The following PHLPP1 variants were observed in gnomAD, a reference collection of about 807,000 sequenced individuals.
PHLPP1 encodes the protein PH domain leucine-rich repeat-containing protein phosphatase 1.
A neutral mutation model predicts 117.2 loss-of-function variants in PHLPP1; 42 were observed. The ratio of observed to expected loss-of-function variants is 0.36; its 90% CI spans 0.28 to 0.46. The LOEUF (loss-of-function observed/expected upper bound fraction) is 0.46. Ranked by LOEUF, PHLPP1 falls within the 20% of genes least tolerant of loss-of-function variation. The pLI is 1.00. For missense variants in PHLPP1, 2,084 were observed against 2,241.9 expected, an observed-to-expected ratio of 0.93 and a Z score of 1.42; for synonymous variants, 1,042 against 970.7, an observed-to-expected ratio of 1.07 and a Z score of -1.37.
At chr18:62,863,361 G>A (rs995299071) in intron 4 of PHLPP1, among the ~76,000 whole-genome samples, 1 of 151,706 alleles carries the variant, frequency 6.6e-6, no homozygotes, top group African/African-American at 2.4e-5. Context: ...CCACCACCAC[G>A]CACAGCTAGA....
chr18:62,845,207 A>G (rs1337236797), intron 3 of PHLPP1, among the ~76,000 whole-genome samples: 1 of 152,008 alleles, frequency 6.6e-6, no homozygotes, highest in African/African-American at 2.4e-5. Flanking sequence ...TGTGTTGATC[A>G]GTGGCTGACA....
chr18:62,960,958 T>A (rs1320990453), intron 13 of PHLPP1, among the ~76,000 whole-genome samples: 1 of 152,194 alleles, frequency 6.6e-6, no homozygotes, highest in Non-Finnish European at 1.5e-5. Flanking sequence ...TGAGGACTCT[T>A]CTGTGAGATT....
intron 1 of PHLPP1, among the ~76,000 whole-genome samples, chr18:62,785,998 A>G (rs542764103): frequency 1.3e-5 from 2 of 152,282 alleles, no homozygotes; most frequent in East Asian, 1.9e-4. Context: ...TTGACTTTCT[A>G]TCCCTGCCTT....
Position 62,715,662 on chromosome 18 carries a change from G to A in PHLPP1, c.-22G>A, listed in dbSNP as rs1599008883. On this transcript the variant is annotated 5_prime_UTR_variant, in exon 1 of 17. Transcript: ENST00000262719. ...CGCCCGCTGCCTCCGGAGCTGGGGG[G>A]GAAACGCGAAGCCCCACTGCAATGG... The A allele has an allele frequency of 7.9e-7, 1 of 1,269,822 alleles. No individual in the cohort carries two copies. Among genetic ancestry groups the A allele is most frequent in the East Asian group, 3.1e-5 (1 of 32,024 alleles). 78.7% of individuals were successfully genotyped at this position (1,269,822 alleles called of 1,614,324 possible).
intron 12 of PHLPP1, among the ~76,000 whole-genome samples, chr18:62,949,979 C>T (rs928153792): frequency 2.6e-5 from 4 of 152,196 alleles, no homozygotes; most frequent in South Asian, 2.1e-4. Flanking sequence ...ACCCTTCCCC[C>T]GCTTTTTTTG....
At chr18:62,742,164 C>T (rs1299202427) in intron 1 of PHLPP1, among the ~76,000 whole-genome samples, 2 of 152,080 alleles carry the variant, frequency 1.3e-5, no homozygotes, top group Non-Finnish European at 2.9e-5. Context: ...CTATCATTTC[C>T]TAACTTTTTA....
intron 4 of PHLPP1, among the ~76,000 whole-genome samples, chr18:62,891,726 CAAAAAA>C (rs140328581): frequency 2.4e-5 from 3 of 123,098 alleles, no homozygotes; most frequent in Non-Finnish European, 5.0e-5. Flanking sequence ...TTCGTCTCTA[CAAAAAA>C]AAAAAAAAAA....
At position 62,963,458 on chromosome 18, in the gene PHLPP1, G is replaced by A. The variant is rs114123997; in HGVS notation, c.3546G>A (p.Ser1182=). The A allele has an allele frequency of 3.5e-4, 561 of 1,610,078 alleles. No homozygotes were observed. In the African/African-American group the frequency reaches 5.5e-3, roughly 16 times the overall value. Residue 1182 remains serine, a synonymous_variant, in exon 14 of 17, where the codon TCG becomes TCA. Coordinates refer to ENST00000262719, the MANE Select transcript of PHLPP1 (RefSeq NM_194449.4). The part of the protein sequence containing the change: ...AVWSHGYTEA[S]GVKNKLCVAA... ...GGAGTCATGGTTACACTGAAGCTTC[G>A]GGGGTAAAAAACAAGTAAGTCAGAT...
intron 1 of PHLPP1, among the ~76,000 whole-genome samples, chr18:62,735,824 A>G (rs933788630): frequency 2.6e-5 from 4 of 152,204 alleles, no homozygotes; most frequent in African/African-American, 4.8e-5. Flanking sequence ...GGTTGTCTGT[A>G]GACAGTTACT....
At chr18:62,746,966 T>A (rs1047213401) in intron 1 of PHLPP1, among the ~76,000 whole-genome samples, 2 of 152,214 alleles carry the variant, frequency 1.3e-5, no homozygotes, top group Non-Finnish European at 2.9e-5. Context: ...AGACTCAGTT[T>A]TGGGAAGAGA....
At chr18:62,890,015 G>A (rs1042331985) in intron 4 of PHLPP1, among the ~76,000 whole-genome samples, 4 of 152,186 alleles carry the variant, frequency 2.6e-5, no homozygotes, top group Admixed American at 6.5e-5. Flanking sequence ...TTGGGAAAGG[G>A]TGCCCCCGAC....
intron 11 of PHLPP1, among the ~76,000 whole-genome samples, chr18:62,943,221 A>G (rs1910183328): frequency 6.6e-6 from 1 of 152,174 alleles, no homozygotes; most frequent in South Asian, 2.1e-4. Context: ...CTAGGAATGA[A>G]TTCTGTCTCC....
Position 62,979,721 on chromosome 18 carries a change from A to T in PHLPP1, c.*290A>T. ...AAAAGGTTTAATATATTACAGAGAA[A>T]CAGTTAATGATAATGTAATATTTTT... On this transcript the variant is annotated 3_prime_UTR_variant, in exon 17 of 17. Transcript: ENST00000262719. 5.7e-6 allele frequency: 2 copies of T among 350,732 alleles called. No homozygotes were observed. The highest frequency in any genetic ancestry group is 8.7e-5 in the Admixed American group (2 of 22,906). The allele number at this position is 350,732 out of a possible 1,614,324, so 21.7% of individuals were successfully genotyped here. A position where few individuals can be genotyped will look rare whatever the true frequency, so the allele number is the denominator to read the frequency against.
intron 1 of PHLPP1, among the ~76,000 whole-genome samples, chr18:62,824,764 T>G (rs954703613): frequency 8.6e-5 from 13 of 151,960 alleles, no homozygotes; most frequent in African/African-American, 2.9e-4. Flanking sequence ...CTGAAAAAAA[T>G]GACAAGGTCT....
chr18:62,752,291 A>G (rs1011861665), intron 1 of PHLPP1, among the ~76,000 whole-genome samples: 2 of 152,194 alleles, frequency 1.3e-5, no homozygotes, highest in Non-Finnish European at 2.9e-5. Context: ...AGGTTGTGTT[A>G]GTAGTAAGTT....
intron 1 of PHLPP1, among the ~76,000 whole-genome samples, chr18:62,815,101 C>T (rs1295039503): frequency 6.6e-6 from 1 of 150,942 alleles, no homozygotes; most frequent in East Asian, 1.9e-4. Flanking sequence ...CAGTCTGGCC[C>T]TAGGGGCTGG....
At chr18:62,965,648 A>G (rs1230422850) in intron 14 of PHLPP1, among the ~76,000 whole-genome samples, 3 of 150,900 alleles carry the variant, frequency 2.0e-5, no homozygotes, top group East Asian at 1.9e-4. Context: ...TAGTAGAAAC[A>G]GGGTTTCACC....
intron 10 of PHLPP1, among the ~76,000 whole-genome samples, chr18:62,938,799 G>A (rs1193890123): frequency 6.6e-6 from 1 of 152,174 alleles, no homozygotes; most frequent in Non-Finnish European, 1.5e-5. Context: ...CAGATGCCAT[G>A]AGGGGTTTTT....
chr18:62,735,665 C>A (rs981842061), intron 1 of PHLPP1, among the ~76,000 whole-genome samples: 2 of 152,160 alleles, frequency 1.3e-5, no homozygotes, highest in Non-Finnish European at 2.9e-5. Context: ...GTAGCATCAA[C>A]CTCCAGATAA....
Sources: gnomAD v4.1 joint callset for allele counts (sites outside exome capture counted in the v4.1 genomes callset) on GRCh38, gnomAD v4.1.1 for gene constraint, MANE v1.5 for transcripts, NCBI Gene and HGNC (gene_info 2026-07-23, HGNC 2026-07-21) for gene names.